RBFOX1: variants seen among roughly 807,000 people sequenced by gnomAD.
RBFOX1 encodes the protein RNA binding protein fox-1 homolog 1.
Under a neutral mutation model 57.7 loss-of-function variants are expected in RBFOX1, and 8 were observed. That is an observed-to-expected ratio of 0.14 (90% CI 0.08 to 0.25). The LOEUF is 0.25. Ranked by LOEUF, RBFOX1 falls within the 10% of genes least tolerant of loss-of-function variation. The probability of loss-of-function intolerance (pLI) is 1.00; values close to 1 mark genes in which losing one functional copy is unlikely to be tolerated. For missense variants in RBFOX1, 611 were observed against 548.5 expected (o/e 1.11, Z -1.14); for synonymous variants, 326 against 222.4 (o/e 1.47, Z -4.15).
chr16:6,395,543 A>T (rs2092792710), intron 2 of RBFOX1, among the ~76,000 whole-genome samples: 1 of 150,990 alleles, frequency 6.6e-6, no homozygotes, highest in Non-Finnish European at 1.5e-5. Flanking sequence ...TTTTATAATT[A>T]GCTCTGTAAT....
At chr16:5,358,982 G>C (rs2065470077) in intron 1 of RBFOX1, among the ~76,000 whole-genome samples, 1 of 152,032 alleles carries the variant, frequency 6.6e-6, no homozygotes, top group Non-Finnish European at 1.5e-5. Context: ...CCTAGCCTCT[G>C]GTGGCCATCC....
At chr16:6,710,672 C>T (rs557231391) in intron 3 of RBFOX1, among the ~76,000 whole-genome samples, 48 of 152,346 alleles carry the variant, frequency 3.2e-4, no homozygotes, top group African/African-American at 8.7e-4. Flanking sequence ...TCCAGAAACA[C>T]ACCTGCTGCA....
intron 4 of RBFOX1, among the ~76,000 whole-genome samples, chr16:7,219,608 G>T (rs532234501): frequency 6.6e-6 from 1 of 152,154 alleles, no homozygotes; most frequent in Non-Finnish European, 1.5e-5. Context: ...AAGAACAAGC[G>T]TGGCGGATTT....
intron 3 of RBFOX1, among the ~76,000 whole-genome samples, chr16:6,790,257 T>C (rs1487218632): frequency 6.6e-6 from 1 of 151,694 alleles, no homozygotes; most frequent in East Asian, 1.9e-4. Flanking sequence ...CAATTTTAGC[T>C]TAGTGCAACC....
chr16:6,251,082 C>G (rs1200106892), intron 1 of RBFOX1, among the ~76,000 whole-genome samples: 1 of 152,122 alleles, frequency 6.6e-6, no homozygotes, highest in East Asian at 1.9e-4. Context: ...TTAATGAGAG[C>G]TTGTCATGAT....
At chr16:7,689,331 A>T (rs540544320) in intron 14 of RBFOX1, among the ~76,000 whole-genome samples, 76 of 152,236 alleles carry the variant, frequency 5.0e-4, no homozygotes, top group African/African-American at 1.8e-3. Flanking sequence ...TCTTCCTGGG[A>T]CAGGTGAGCT....
intron 4 of RBFOX1, among the ~76,000 whole-genome samples, chr16:7,181,479 A>G (rs2082689676): frequency 6.6e-6 from 1 of 151,918 alleles, no homozygotes; most frequent in African/African-American, 2.4e-5. Context: ...TACCTAAAAG[A>G]GAATTAACTA....
chr16:5,319,581 G>A (rs2151244894), intron 1 of RBFOX1, among the ~76,000 whole-genome samples: 1 of 152,310 alleles, frequency 6.6e-6, no homozygotes, highest in East Asian at 1.9e-4. Context: ...GGACAATCCA[G>A]GCCACGTGGA....
chr16:7,707,959 T>C (rs1342087280), intron 14 of RBFOX1, among the ~76,000 whole-genome samples: 5 of 152,180 alleles, frequency 3.3e-5, no homozygotes, highest in Non-Finnish European at 5.9e-5. Context: ...GATAGCAGCA[T>C]TCAAACTATC....
chr16:5,327,727 C>T (rs541746657), intron 1 of RBFOX1, among the ~76,000 whole-genome samples: 1 of 152,284 alleles, frequency 6.6e-6, no homozygotes, highest in South Asian at 2.1e-4. Flanking sequence ...GTGAGCTGCC[C>T]TACTTTGCAA....
rs574083014 is a variant in RBFOX1, at chr16:7,010,996, A to G, written c.-15-41061A>G. Among the ~76,000 whole-genome samples the G allele has an allele frequency of 3.5e-4, 53 of 151,372 alleles. No individual in the cohort carries two copies. The South Asian group carries it at 0.011, about 31-fold the overall frequency. ...TACTTAGGCTGTTCTTTCCTGTTAT[A>G]TTTTGTTTGTTGTTTGTTTGTTTTT... is the stretch of plus-strand genomic sequence containing the variant. On this transcript the variant is annotated intron_variant, in intron 3 of 15. Coordinates refer to ENST00000550418, the MANE Select transcript of RBFOX1 (RefSeq NM_018723.4).
chr16:5,822,272 G>A (rs1281031702), intron 3 of RBFOX1, among the ~76,000 whole-genome samples: 1 of 152,130 alleles, frequency 6.6e-6, no homozygotes, highest in African/African-American at 2.4e-5. Context: ...ATAGACTTTG[G>A]GGACTTGGGG....
intron 7 of RBFOX1, among the ~76,000 whole-genome samples, chr16:7,592,258 A>G (rs958858087): frequency 2.6e-5 from 4 of 152,248 alleles, no homozygotes; most frequent in African/African-American, 7.2e-5. Context: ...CTCTTTGCTT[A>G]AAAAGTGAGA....
chr16:5,671,972 A>G (rs2050024723), intron 3 of RBFOX1, among the ~76,000 whole-genome samples: 1 of 152,202 alleles, frequency 6.6e-6, no homozygotes, highest in African/African-American at 2.4e-5. Flanking sequence ...AGTGATGAAG[A>G]ATAAAAGCCT....
intron 3 of RBFOX1, among the ~76,000 whole-genome samples, chr16:6,770,210 A>G (rs1177639664): frequency 6.6e-6 from 1 of 152,188 alleles, no homozygotes; most frequent in East Asian, 1.9e-4. Context: ...GGTGAGAACT[A>G]CAGAATTTTT....
At chr16:7,224,369 C>T (rs180958947) in intron 4 of RBFOX1, among the ~76,000 whole-genome samples, 1 of 152,306 alleles carries the variant, frequency 6.6e-6, no homozygotes, top group East Asian at 1.9e-4. Flanking sequence ...GTCCCATTGA[C>T]ATTTGAATTC....
At chr16:5,287,900 T>G (rs2063437290) in intron 1 of RBFOX1, among the ~76,000 whole-genome samples, 1 of 152,220 alleles carries the variant, frequency 6.6e-6, no homozygotes, top group Non-Finnish European at 1.5e-5. Context: ...CTTGGATCCA[T>G]TAATGTACCT....
intron 4 of RBFOX1, among the ~76,000 whole-genome samples, chr16:5,989,432 G>C (rs960720243): frequency 5.3e-5 from 8 of 152,174 alleles, no homozygotes; most frequent in Non-Finnish European, 1.2e-4. Flanking sequence ...AGCATGGAAA[G>C]ATGCTCAACA....
intron 2 of RBFOX1, among the ~76,000 whole-genome samples, chr16:6,554,404 T>C (rs1347435191): frequency 1.3e-5 from 2 of 152,276 alleles, no homozygotes; most frequent in African/African-American, 2.4e-5. Flanking sequence ...ACTGCAAATG[T>C]GCACGAGGCT....
Sources: allele counts gnomAD v4.1 joint callset (sites outside exome capture counted in the v4.1 genomes callset), GRCh38; gene constraint gnomAD v4.1.1; transcripts MANE v1.5; gene names NCBI Gene and HGNC (gene_info 2026-07-23, HGNC 2026-07-21).